Variants in ZNF385D observed in about 807,000 individuals in gnomAD.
The protein encoded by ZNF385D is zinc finger protein 385D, also known as zinc finger protein 659.
A neutral mutation model predicts 35.8 loss-of-function variants in ZNF385D; 15 were observed. That is an observed-to-expected ratio of 0.42 (90% confidence interval 0.28 to 0.64). The LOEUF is 0.64. ZNF385D is among the 30% of genes least tolerant of loss of function. The probability of loss-of-function intolerance (pLI) is 0.23; values close to 1 mark genes in which losing one functional copy is unlikely to be tolerated. For synonymous variants in ZNF385D, 212 were observed against 186.8 expected, an observed-to-expected ratio of 1.13 and a Z score of -1.10; for missense variants, 474 against 494.6, an observed-to-expected ratio of 0.96 and a Z score of 0.39.
chr3:22,098,977 ATAAT>A (rs1415189307), intron 3 of ZNF385D, among the ~76,000 whole-genome samples: 9 of 152,186 alleles, frequency 5.9e-5, no homozygotes, highest in African/African-American at 2.2e-4. Flanking sequence ...TACTAAGGAC[ATAAT>A]TAGAGTTATG....
chr3:21,636,378 T>TTATATATATATATATATATGATTATA (rs2065438289), intron 2 of ZNF385D, among the ~76,000 whole-genome samples: 1 of 47,984 alleles, frequency 2.1e-5, no homozygotes, highest in Non-Finnish European at 3.6e-5. Context: ...ATATATATGA[T>TTATATATATATATATATATGATTATA]TATATATATA....
intron 2 of ZNF385D, among the ~76,000 whole-genome samples, chr3:21,631,471 T>A (rs1026265101): frequency 3.3e-5 from 5 of 152,140 alleles, no homozygotes; most frequent in Non-Finnish European, 7.4e-5. Flanking sequence ...AAATATTTTT[T>A]AAAAATCCCT....
chr3:21,934,233 T>G (rs937511645), intron 3 of ZNF385D, among the ~76,000 whole-genome samples: 1 of 152,200 alleles, frequency 6.6e-6, no homozygotes, highest in Non-Finnish European at 1.5e-5. Context: ...ACAACTATTG[T>G]TGAAGTATAT....
At chr3:22,161,294 T>C (rs1189174573) in intron 3 of ZNF385D, among the ~76,000 whole-genome samples, 1 of 152,104 alleles carries the variant, frequency 6.6e-6, no homozygotes, top group Admixed American at 6.6e-5. Flanking sequence ...ACTTGCATTC[T>C]TGATGAATTG....
At chr3:21,831,835 C>T (rs888931255) in intron 3 of ZNF385D, among the ~76,000 whole-genome samples, 8 of 152,100 alleles carry the variant, frequency 5.3e-5, no homozygotes, top group Admixed American at 1.3e-4. Flanking sequence ...GCTATTTTAT[C>T]TTTAAAATTA....
At chr3:21,966,735 C>G (rs979065049) in intron 3 of ZNF385D, among the ~76,000 whole-genome samples, 1 of 152,162 alleles carries the variant, frequency 6.6e-6, no homozygotes. Context: ...GCACGCACCA[C>G]CACGCCCAGC....
chr3:22,181,900 A>AGAGGATCATGTGGC (rs1695306115), intron 2 of ZNF385D, among the ~76,000 whole-genome samples: 2 of 152,196 alleles, frequency 1.3e-5, no homozygotes, highest in African/African-American at 4.8e-5. Flanking sequence ...TTCCCTGTGA[A>AGAGGATCATGTGGC]GAGGATCATG....
chr3:21,805,270 T>C (rs1428593384), intron 3 of ZNF385D, among the ~76,000 whole-genome samples: 3 of 152,200 alleles, frequency 2.0e-5, no homozygotes, highest in Non-Finnish European at 4.4e-5. Context: ...AGAGAGAATA[T>C]ATATGTGTAA....
At chr3:22,215,102 C>A (rs1254663375) in intron 2 of ZNF385D, among the ~76,000 whole-genome samples, 1 of 151,968 alleles carries the variant, frequency 6.6e-6, no homozygotes, top group Non-Finnish European at 1.5e-5. Flanking sequence ...TAGAAAAAAA[C>A]CTACTTGAAA....
At chr3:21,671,439 A>G (rs989680539) in intron 1 of ZNF385D, among the ~76,000 whole-genome samples, 1 of 152,158 alleles carries the variant, frequency 6.6e-6, no homozygotes, top group African/African-American at 2.4e-5. Flanking sequence ...ATAATTTAAT[A>G]TATCTATTCA....
intron 3 of ZNF385D, among the ~76,000 whole-genome samples, chr3:21,901,071 A>AT (rs1468422543): frequency 1.8e-4 from 28 of 152,218 alleles, no homozygotes; most frequent in Admixed American, 1.6e-3. Flanking sequence ...AATGAGCAAC[A>AT]TTTATTGAGT....
intron 1 of ZNF385D, among the ~76,000 whole-genome samples, chr3:21,748,374 T>G (rs2069885001): frequency 7.6e-6 from 1 of 131,498 alleles, no homozygotes; most frequent in Non-Finnish European, 1.5e-5. Flanking sequence ...TTGAAGCAGA[T>G]AGGCTGAGCC....
chr3:21,785,760 G>T (rs1329641546), intron 3 of ZNF385D, among the ~76,000 whole-genome samples: 1 of 152,162 alleles, frequency 6.6e-6, no homozygotes, highest in African/African-American at 2.4e-5. Flanking sequence ...TTCATCCCTT[G>T]TGACACTTTG....
chr3:21,495,808 TAAGA>T lies in ZNF385D; in HGVS notation c.439+15049_439+15052del, dbSNP rs1259716600. 2.0e-5 allele frequency among the ~76,000 whole-genome samples: 3 copies of T among 151,808 alleles called. No homozygotes were observed. In the East Asian group the frequency reaches 5.8e-4, roughly 29 times the overall value. ...TAGATAGATAAAACACTAGCTAGACTAAGAAAGAAAAAAGAGAGAAGTTTGAAAT... is the reference window on the plus strand; with the variant it reads ...TAGATAGATAAAACACTAGCTAGACTAAGAAAAAAGAGAGAAGTTTGAAAT... On this transcript the variant is annotated intron_variant, in intron 4 of 7. Coordinates refer to ENST00000281523, the MANE Select transcript of ZNF385D (RefSeq NM_024697.3).
intron 3 of ZNF385D, among the ~76,000 whole-genome samples, chr3:21,804,367 G>C (rs2125692151): frequency 6.6e-6 from 1 of 152,274 alleles, no homozygotes; most frequent in South Asian, 2.1e-4. Context: ...ATGAACAGGG[G>C]TGGTGGTAGC....
At chr3:22,135,670 G>C (rs774621798) in intron 3 of ZNF385D, among the ~76,000 whole-genome samples, 1 of 152,084 alleles carries the variant, frequency 6.6e-6, no homozygotes, top group Non-Finnish European at 1.5e-5. Context: ...AGCTACAACA[G>C]CTAAAATTAT....
At chr3:21,952,406 A>G (rs1164298029) in intron 3 of ZNF385D, among the ~76,000 whole-genome samples, 1 of 152,028 alleles carries the variant, frequency 6.6e-6, no homozygotes, top group Admixed American at 6.6e-5. Flanking sequence ...ATCAATCAAC[A>G]TCAACATGAT....
At chr3:21,804,364 G>C (rs1419119255) in intron 3 of ZNF385D, among the ~76,000 whole-genome samples, 4 of 152,268 alleles carry the variant, frequency 2.6e-5, no homozygotes, top group Admixed American at 6.5e-5. Context: ...AAAATGAACA[G>C]GGGTGGTGGT....
intron 3 of ZNF385D, among the ~76,000 whole-genome samples, chr3:22,020,090 T>C (rs1010187079): frequency 2.0e-5 from 3 of 151,906 alleles, no homozygotes; most frequent in Admixed American, 1.3e-4. Context: ...ACAAATATTT[T>C]GGTTAAAAAG....
Sources: gnomAD v4.1 joint callset for allele counts (sites outside exome capture counted in the v4.1 genomes callset) on GRCh38, gnomAD v4.1.1 for gene constraint, MANE v1.5 for transcripts, NCBI Gene and HGNC (gene_info 2026-07-23, HGNC 2026-07-21) for gene names.